The following DCC variants were observed in gnomAD, a reference collection of about 807,000 sequenced individuals.
DCC encodes DCC netrin 1 receptor, also known as netrin receptor DCC.
Under a neutral mutation model 172.5 loss-of-function variants are expected in DCC, and 58 were observed. That is an observed-to-expected ratio of 0.34 (90% CI 0.27 to 0.42). The LOEUF (loss-of-function observed/expected upper bound fraction) is 0.42. Among genes scored for constraint, DCC ranks in the 10% least tolerant of loss-of-function variants. The pLI is 1.00. For missense variants in DCC, 1,740 were observed against 1,791.0 expected (o/e 0.97, Z 0.51); for synonymous variants, 709 against 644.5 (o/e 1.10, Z -1.52).
At chr18:53,419,240 A>C (rs933854251) in intron 21 of DCC, among the ~76,000 whole-genome samples, 1 of 152,224 alleles carries the variant, frequency 6.6e-6, no homozygotes, top group African/African-American at 2.4e-5. Context: ...AAATAAGCAC[A>C]TCATGGAGAA....
rs571991632 is a variant in DCC at position 53,459,435 on chromosome 18, G to A, written c.3596G>A (p.Gly1199Glu). 6.2e-7 allele frequency: 1 copy of A among 1,612,158 alleles called. No individual in the cohort carries two copies. The highest frequency in any genetic ancestry group is 1.3e-5 in the African/African-American group (1 of 74,962). Residue 1199 changes from glycine (G) to glutamate (E), a missense_variant, in exon 24 of 29, where the codon GGA becomes GAA. Physicochemically the swap from Gly to Glu is moderately conservative, Grantham distance 98. Transcript: ENST00000442544. ...CACAGCCAGTCAGAAACCCAACTGGGAAGCAAAAGCACCTCTCATTCAGGT... is the reference window on the plus strand; with the variant it reads ...CACAGCCAGTCAGAAACCCAACTGGAAAGCAAAAGCACCTCTCATTCAGGT... ...VSHSQSETQL[G>E]SKSTSHSGQD...
At chr18:53,433,083 T>G (rs1309392963) in intron 21 of DCC, among the ~76,000 whole-genome samples, 1 of 152,140 alleles carries the variant, frequency 6.6e-6, no homozygotes, top group Non-Finnish European at 1.5e-5. Flanking sequence ...GACAAAAAGT[T>G]AACCCACATC....
chr18:53,059,486 C>G (rs1351786956), intron 5 of DCC, among the ~76,000 whole-genome samples: 4 of 152,110 alleles, frequency 2.6e-5, no homozygotes, highest in African/African-American at 9.7e-5. Flanking sequence ...AGAGCTTTAA[C>G]CTAATTCCTA....
chr18:53,038,451 C>G (rs2042124270), intron 5 of DCC, among the ~76,000 whole-genome samples: 2 of 151,902 alleles, frequency 1.3e-5, no homozygotes, highest in Non-Finnish European at 2.9e-5. Flanking sequence ...CTCCAAATAC[C>G]ATTACTTTGG....
intron 1 of DCC, among the ~76,000 whole-genome samples, chr18:52,744,165 T>C (rs1366894593): frequency 2.6e-5 from 4 of 152,194 alleles, no homozygotes; most frequent in African/African-American, 9.6e-5. Flanking sequence ...TCTTATGCAA[T>C]ATTTATTTAG....
At chr18:53,467,685 A>C (rs1167084523) in intron 24 of DCC, among the ~76,000 whole-genome samples, 1 of 152,196 alleles carries the variant, frequency 6.6e-6, no homozygotes, top group Non-Finnish European at 1.5e-5. Context: ...TCAAAATATA[A>C]ATAATGGTTT....
intron 2 of DCC, among the ~76,000 whole-genome samples, chr18:52,824,141 C>T (rs7232087): frequency 0.25 from 38,744 of 152,104 alleles, 5,087 homozygotes; most frequent in South Asian, 0.3. Context: ...ATGGCTTCGA[C>T]ACACGGAAAA....
At chr18:53,129,425 A>C (rs1177261256) in intron 7 of DCC, among the ~76,000 whole-genome samples, 1 of 152,074 alleles carries the variant, frequency 6.6e-6, no homozygotes, top group Admixed American at 6.6e-5. Context: ...AAAATAAGAC[A>C]TAGGGCATTT....
chr18:53,189,453 T>C (rs1040131697), intron 9 of DCC, among the ~76,000 whole-genome samples: 10 of 151,514 alleles, frequency 6.6e-5, no homozygotes, highest in Non-Finnish European at 1.5e-4. Flanking sequence ...AGTGTATATA[T>C]ATATAATTGT....
At chr18:53,232,893 T>G (rs1356403304) in intron 12 of DCC, among the ~76,000 whole-genome samples, 1 of 152,120 alleles carries the variant, frequency 6.6e-6, no homozygotes, top group East Asian at 1.9e-4. Context: ...AATAAACTGA[T>G]TAGCTGATAA....
At chr18:53,027,065 C>T (rs996678332) in intron 5 of DCC, among the ~76,000 whole-genome samples, 14 of 152,068 alleles carry the variant, frequency 9.2e-5, no homozygotes, top group Non-Finnish European at 5.9e-5. Context: ...ATGCTAATTT[C>T]CTGGGCATTC....
intron 5 of DCC, among the ~76,000 whole-genome samples, chr18:53,046,859 T>G (rs554082728): frequency 2.0e-5 from 3 of 151,882 alleles, no homozygotes; most frequent in Non-Finnish European, 4.4e-5. Flanking sequence ...AGTGACTTAC[T>G]CTAAAGAGTC....
intron 1 of DCC, among the ~76,000 whole-genome samples, chr18:52,661,929 G>T (rs1215313877): frequency 6.6e-6 from 1 of 152,134 alleles, no homozygotes; most frequent in South Asian, 2.1e-4. Flanking sequence ...ATAAGAAAAA[G>T]TGTTCAGAAA....
chr18:52,930,917 A>G (rs1319231833), intron 5 of DCC, among the ~76,000 whole-genome samples: 3 of 152,080 alleles, frequency 2.0e-5, no homozygotes, highest in Admixed American at 2.0e-4. Context: ...AAATCTGGTT[A>G]TGGATTACAT....
At chr18:52,528,793 T>C (rs562241570) in intron 1 of DCC, among the ~76,000 whole-genome samples, 2 of 152,236 alleles carry the variant, frequency 1.3e-5, no homozygotes, top group South Asian at 4.1e-4. Flanking sequence ...CTTACTGCAT[T>C]AAGTCTACAG....
chr18:52,514,170 G>A (rs12454611), intron 1 of DCC, among the ~76,000 whole-genome samples: 3,056 of 152,194 alleles, frequency 0.02, 108 homozygotes, highest in East Asian at 0.096. Context: ...TATAATGTAT[G>A]TGTGTATATA....
At chr18:52,799,708 C>CA (rs146677954) in intron 2 of DCC, among the ~76,000 whole-genome samples, 5,310 of 152,204 alleles carry the variant, frequency 0.035, 131 homozygotes, top group Admixed American at 0.048. Context: ...TTGGTTACTA[C>CA]AAAAAGCCCA....
In DCC at chr18:53,429,021, T is replaced by A. The variant is rs905465200; in HGVS notation, c.3164-6123T>A. On this transcript the variant is annotated intron_variant, in intron 21 of 28. Transcript: ENST00000442544. ...TTTATATAATATATATTTTATATAT[T>A]TTTTATATAATATATATTTTATATA... 2.3e-3 allele frequency among the ~76,000 whole-genome samples: 54 copies of A among 23,090 alleles called. 8 individuals carry two copies. In the East Asian group the frequency reaches 0.033, roughly 14 times the overall value. The allele number at this position is 23,090 out of a possible 152,430, so 15.1% of individuals were successfully genotyped here.
intron 25 of DCC, among the ~76,000 whole-genome samples, chr18:53,469,086 A>G (rs946251333): frequency 2.6e-5 from 4 of 151,950 alleles, no homozygotes; most frequent in Non-Finnish European, 5.9e-5. Context: ...CTTCAATCCC[A>G]CCAGGACCTC....
Sources: gnomAD v4.1 joint callset for allele counts (sites outside exome capture counted in the v4.1 genomes callset) on GRCh38, gnomAD v4.1.1 for gene constraint, MANE v1.5 for transcripts, NCBI Gene and HGNC (gene_info 2026-07-23, HGNC 2026-07-21) for gene names.